The following RAD51B variants were observed in gnomAD, a reference collection of about 807,000 sequenced individuals.
The protein encoded by RAD51B is DNA repair protein RAD51 homolog 2.
In RAD51B, 38 loss-of-function variants were observed where a neutral mutation model predicts 42.2. That is an observed-to-expected ratio of 0.90 (90% CI 0.70 to 1.18). The LOEUF (loss-of-function observed/expected upper bound fraction) is 1.18, where lower values mean the gene tolerates loss of function less well. Among genes scored for constraint, RAD51B ranks in the 50% most tolerant of loss-of-function variants. The pLI is 0.00. For missense variants in RAD51B, 373 were observed against 400.7 expected, an observed-to-expected ratio of 0.93 and a Z score of 0.59; for synonymous variants, 154 against 145.2, an observed-to-expected ratio of 1.06 and a Z score of -0.43.
intron 7 of RAD51B, among the ~76,000 whole-genome samples, chr14:67,978,385 C>T (rs1413664572): frequency 6.6e-6 from 1 of 152,096 alleles, no homozygotes; most frequent in Admixed American, 6.5e-5. Flanking sequence ...TTGACTGTCA[C>T]CTCAGTTAAT....
chr14:67,935,652 C>T (rs1458232658), intron 7 of RAD51B, among the ~76,000 whole-genome samples: 1 of 152,206 alleles, frequency 6.6e-6, no homozygotes, highest in Non-Finnish European at 1.5e-5. Context: ...GAAGTGTGAG[C>T]CACTGCCCCT....
chr14:68,214,665 G>C (rs2140951188), intron 7 of RAD51B, among the ~76,000 whole-genome samples: 1 of 152,318 alleles, frequency 6.6e-6, no homozygotes, highest in African/African-American at 2.4e-5. Flanking sequence ...TGTTCCAACT[G>C]TTTGTTCACG....
intron 7 of RAD51B, among the ~76,000 whole-genome samples, chr14:68,251,181 G>T (rs1424163526): frequency 6.6e-6 from 1 of 151,280 alleles, no homozygotes; most frequent in African/African-American, 2.4e-5. Context: ...TTCTTCTGTT[G>T]CACCTTTCAA....
chr14:68,281,422 A>G (rs187309060), intron 7 of RAD51B, among the ~76,000 whole-genome samples: 1 of 152,338 alleles, frequency 6.6e-6, no homozygotes, highest in East Asian at 1.9e-4. Flanking sequence ...TGCTATGCCA[A>G]TTATACAGTT....
chr14:68,289,388 T>G (rs944210723), intron 7 of RAD51B, among the ~76,000 whole-genome samples: 1 of 152,168 alleles, frequency 6.6e-6, no homozygotes, highest in Non-Finnish European at 1.5e-5. Context: ...TGAACCCAGT[T>G]TTACTGAACT....
At chr14:67,886,082 AGG>A (rs928833126) in intron 6 of RAD51B, 94 bp downstream of exon 6, 94 of 1,091,100 alleles carry the variant, frequency 8.6e-5, no homozygotes, top group Non-Finnish European at 1.3e-6. Context: ...AAGTCTTTAT[AGG>A]TTAGAATTAT....
intron 9 of RAD51B, among the ~76,000 whole-genome samples, chr14:68,441,409 G>T (rs2085284096): frequency 7.0e-6 from 1 of 143,152 alleles, no homozygotes; most frequent in African/African-American, 2.5e-5. Context: ...GGGCGCGGTG[G>T]CAGGCACCTG....
intron 8 of RAD51B, among the ~76,000 whole-genome samples, chr14:68,405,452 AT>A (rs1436076971): frequency 1.3e-5 from 2 of 151,844 alleles, no homozygotes; most frequent in Non-Finnish European, 2.9e-5. Flanking sequence ...CTAAAAAAAA[AT>A]TTAAAAATTG....
intron 10 of RAD51B, among the ~76,000 whole-genome samples, chr14:68,577,766 A>G (rs1410898979): frequency 6.6e-6 from 1 of 152,188 alleles, no homozygotes; most frequent in Non-Finnish European, 1.5e-5. Context: ...ACACACAGTT[A>G]AAGGCAGGGA....
chr14:68,241,497 G>A (rs555127919), intron 7 of RAD51B, among the ~76,000 whole-genome samples: 8 of 152,090 alleles, frequency 5.3e-5, no homozygotes, highest in African/African-American at 7.2e-5. Context: ...AGCTGAGATC[G>A]CGCCACTGCA....
Position 68,473,232 on chromosome 14 carries a change from G to A in RAD51B, c.1037-4416G>A, listed in dbSNP as rs144923187. Among the ~76,000 whole-genome samples, 436 of 152,298 alleles carry A rather than the reference G, an allele frequency of 2.9e-3. 3 individuals are homozygous for A. The highest frequency in any genetic ancestry group is 4.0e-3 in the Non-Finnish European group (271 of 68,024). On this transcript the variant is annotated intron_variant, in intron 10 of 10. Transcript: ENST00000471583. ...GCCTGGCATTCTTGTAGGAGCCTGG[G>A]CAAAGAGCCCTGGAACTCAATGGAG...
At chr14:67,982,320 G>A (rs928627102) in intron 7 of RAD51B, among the ~76,000 whole-genome samples, 8 of 152,076 alleles carry the variant, frequency 5.3e-5, no homozygotes, top group African/African-American at 1.9e-4. Flanking sequence ...TTGTAAAGAG[G>A]TGTTAAACAT....
chr14:68,388,044 G>A (rs1295690814), intron 8 of RAD51B, among the ~76,000 whole-genome samples: 1 of 142,624 alleles, frequency 7.0e-6, no homozygotes, highest in Non-Finnish European at 1.5e-5. Flanking sequence ...ACTTACATAT[G>A]TGACTTGCAT....
chr14:68,261,095 T>G (rs763667954), intron 7 of RAD51B, among the ~76,000 whole-genome samples: 4 of 152,250 alleles, frequency 2.6e-5, no homozygotes, highest in Non-Finnish European at 4.4e-5. Context: ...TTAGGGCAAT[T>G]GGTCACGAAG....
chr14:67,998,764 G>T lies in RAD51B; in HGVS notation c.756+111560G>T, dbSNP rs144490126. Among the ~76,000 whole-genome samples, 630 of 152,172 alleles carry T rather than the reference G, an allele frequency of 4.1e-3. 3 individuals are homozygous for T. The highest frequency in any genetic ancestry group is 7.3e-3 in the Non-Finnish European group (494 of 67,996). On this transcript the variant is annotated intron_variant, in intron 7 of 10. Transcript: ENST00000471583. ...TGCAGTGCTCTAGATATTCAATGAG[G>T]TCTCTCTCCTTTACCTTGTCAAAAT...
intron 7 of RAD51B, among the ~76,000 whole-genome samples, chr14:68,151,193 G>A (rs1174318101): frequency 6.6e-6 from 1 of 151,716 alleles, no homozygotes; most frequent in Non-Finnish European, 1.5e-5. Flanking sequence ...ATTCTAGATT[G>A]ATAGATTTTT....
chr14:68,477,001 C>A (rs886468657), intron 10 of RAD51B, among the ~76,000 whole-genome samples: 1 of 152,166 alleles, frequency 6.6e-6, no homozygotes, highest in African/African-American at 2.4e-5. Context: ...CTCTCCAAAT[C>A]ATTTCCCACA....
chr14:68,633,192 G>T (rs143379137), intron 10 of RAD51B, among the ~76,000 whole-genome samples: 1 of 151,628 alleles, frequency 6.6e-6, no homozygotes, highest in African/African-American at 2.4e-5. Flanking sequence ...ACACAAGTTA[G>T]TTCCACAGAC....
chr14:68,255,221 C>T (rs546424436), intron 7 of RAD51B, among the ~76,000 whole-genome samples: 37 of 152,094 alleles, frequency 2.4e-4, no homozygotes, highest in African/African-American at 8.7e-4. Context: ...AAAACTTTTT[C>T]TCTTTGTGGT....
Sources: allele counts gnomAD v4.1 joint callset (sites outside exome capture counted in the v4.1 genomes callset), GRCh38; gene constraint gnomAD v4.1.1; transcripts MANE v1.5; gene names NCBI Gene and HGNC (gene_info 2026-07-23, HGNC 2026-07-21).